PDE1C: variants seen among roughly 807,000 people sequenced by gnomAD.
The protein encoded by PDE1C is phosphodiesterase 1C.
A neutral mutation model predicts 93.1 loss-of-function variants in PDE1C; 62 were observed. That is an observed-to-expected ratio of 0.67 (90% CI 0.54 to 0.82). The LOEUF (loss-of-function observed/expected upper bound fraction) is 0.82. Ranked by LOEUF, PDE1C falls within the 40% of genes least tolerant of loss-of-function variation. PDE1C has a pLI of 0.00. For missense variants in PDE1C, 742 were observed against 884.6 expected (o/e 0.84, Z 2.04); for synonymous variants, 325 against 310.1 (o/e 1.05, Z -0.50).
intron 17 of PDE1C, among the ~76,000 whole-genome samples, chr7:31,754,414 T>A (rs953045954): frequency 1.3e-5 from 2 of 152,194 alleles, no homozygotes; most frequent in Non-Finnish European, 2.9e-5. Context: ...AAAATGTATG[T>A]CCACATAAAA....
At chr7:31,846,158 A>T (rs918175398) in intron 9 of PDE1C, among the ~76,000 whole-genome samples, 1 of 151,972 alleles carries the variant, frequency 6.6e-6, no homozygotes, top group African/African-American at 2.4e-5. Context: ...AAGCTTGCAT[A>T]ATTGCCTCTT....
intron 2 of PDE1C, among the ~76,000 whole-genome samples, chr7:31,906,836 T>C (rs546868354): frequency 2.0e-5 from 3 of 152,244 alleles, no homozygotes; most frequent in African/African-American, 7.2e-5. Flanking sequence ...GGAATAAGAG[T>C]ATCTTCCTCA....
intron 2 of PDE1C, among the ~76,000 whole-genome samples, chr7:32,044,808 T>A (rs1191652736): frequency 6.6e-6 from 1 of 152,086 alleles, no homozygotes; most frequent in East Asian, 1.9e-4. Flanking sequence ...GTAGTAATTA[T>A]CAGACATAAG....
At chr7:31,823,001 T>TAACACACATAACTC (rs1044802200) in intron 14 of PDE1C, 72 bp downstream of exon 14, 14 of 1,283,232 alleles carry the variant, frequency 1.1e-5, no homozygotes, top group Non-Finnish European at 1.5e-5. Context: ...GCTTTATTTG[T>TAACACACATAACTC]AACACACATA....
intron 1 of PDE1C, among the ~76,000 whole-genome samples, chr7:32,266,851 G>A (rs1415061952): frequency 7.1e-6 from 1 of 140,638 alleles, no homozygotes; most frequent in African/African-American, 2.6e-5. Flanking sequence ...TGCCAAGATG[G>A]GATTAAATGT....
chr7:31,779,707 G>A (rs7798149), intron 16 of PDE1C, among the ~76,000 whole-genome samples: 3,358 of 152,098 alleles, frequency 0.022, 122 homozygotes, highest in African/African-American at 0.076. Flanking sequence ...GGCCATTGGC[G>A]GGGGGTTAGG....
intron 3 of PDE1C, among the ~76,000 whole-genome samples, chr7:32,095,331 A>G (rs899270800): frequency 1.3e-5 from 2 of 152,142 alleles, no homozygotes; most frequent in African/African-American, 4.8e-5. Flanking sequence ...TCAGACAACA[A>G]TCAGGTTATG....
intron 1 of PDE1C, among the ~76,000 whole-genome samples, chr7:32,396,414 G>T (rs1257503925): frequency 6.6e-6 from 1 of 152,020 alleles, no homozygotes; most frequent in Non-Finnish European, 1.5e-5. Flanking sequence ...GGAGGTCGAG[G>T]TGGCAGTGAG....
intron 2 of PDE1C, among the ~76,000 whole-genome samples, chr7:32,173,956 C>T (rs1037030214): frequency 6.6e-6 from 1 of 152,172 alleles, no homozygotes; most frequent in Non-Finnish European, 1.5e-5. Context: ...TCCATCCAAA[C>T]TGCTTGTGTC....
the PDE1C span, among the ~76,000 whole-genome samples, chr7:31,736,629 T>C: frequency 0.17 from 25,795 of 152,142 alleles, 2,990 homozygotes; most frequent in East Asian, 0.36. Context: ...CCTTTAACAC[T>C]TGGGAAACAC....
chr7:31,801,909 C>T (rs764561755), intron 16 of PDE1C, among the ~76,000 whole-genome samples: 55 of 151,282 alleles, frequency 3.6e-4, no homozygotes, highest in African/African-American at 1.0e-3. Context: ...TATGTTTATG[C>T]GATACAAGTG....
At chr7:32,409,277 C>T (rs1356732147) in intron 1 of PDE1C, among the ~76,000 whole-genome samples, 1 of 152,038 alleles carries the variant, frequency 6.6e-6, no homozygotes, top group African/African-American at 2.4e-5. Context: ...GGGAGGATCG[C>T]TTGAACCCAG....
intron 7 of PDE1C, among the ~76,000 whole-genome samples, chr7:31,861,399 T>C (rs969820591): frequency 6.6e-6 from 1 of 152,106 alleles, no homozygotes; most frequent in Non-Finnish European, 1.5e-5. Flanking sequence ...ATACTATTGA[T>C]ATGTCCAAGA....
the PDE1C span, among the ~76,000 whole-genome samples, chr7:31,648,555 T>C: frequency 6.6e-6 from 1 of 152,200 alleles, no homozygotes; most frequent in Non-Finnish European, 1.5e-5. Context: ...CCATCAGTTA[T>C]TCCCAAACCA....
chr7:31,674,810 T>C, the PDE1C span, among the ~76,000 whole-genome samples: 1 of 152,330 alleles, frequency 6.6e-6, no homozygotes, highest in Admixed American at 6.5e-5. Context: ...TGTGAAAGTT[T>C]TAGAAGATGT....
chr7:32,188,992 A>G (rs572518461), intron 2 of PDE1C, among the ~76,000 whole-genome samples: 4 of 152,332 alleles, frequency 2.6e-5, no homozygotes, highest in African/African-American at 9.6e-5. Context: ...CTAAAGAGTT[A>G]GAAGCAAGAA....
the PDE1C span, chr7:31,707,759 A>G: frequency 6.4e-6 from 1 of 156,958 alleles, no homozygotes; most frequent in Non-Finnish European, 1.4e-5. Context: ...TTGCAGACAA[A>G]GGTCTTTTAT....
intron 16 of PDE1C, among the ~76,000 whole-genome samples, chr7:31,794,085 C>CAGATAGAT (rs1326683058): frequency 1.5e-4 from 21 of 137,360 alleles, no homozygotes; most frequent in Middle Eastern, 3.7e-3. Flanking sequence ...GACAGACAGA[C>CAGATAGAT]AGACAGATAG....
intron 1 of PDE1C, among the ~76,000 whole-genome samples, chr7:32,062,527 T>C (rs1011155472): frequency 6.6e-6 from 1 of 152,198 alleles, no homozygotes; most frequent in Admixed American, 6.5e-5. Flanking sequence ...CTAACTCTAC[T>C]TAACTACAAT....
Sources: gnomAD v4.1 joint callset for allele counts (sites outside exome capture counted in the v4.1 genomes callset) on GRCh38, gnomAD v4.1.1 for gene constraint, MANE v1.5 for transcripts, NCBI Gene and HGNC (gene_info 2026-07-23, HGNC 2026-07-21) for gene names.